VIT: variants seen among roughly 807,000 people sequenced by gnomAD.
VIT encodes the protein vitrin.
In VIT, 99 loss-of-function variants were observed where a neutral mutation model predicts 78.0. The observed-to-expected ratio is 1.27, with a 90% confidence interval of 1.08 to 1.50. The LOEUF (loss-of-function observed/expected upper bound fraction) is 1.50. Ranked by LOEUF, VIT falls within the 40% of genes most tolerant of loss-of-function variation. The probability of loss-of-function intolerance (pLI) is 0.00; values close to 1 mark genes in which losing one functional copy is unlikely to be tolerated. For synonymous variants in VIT, 374 were observed against 334.3 expected, an observed-to-expected ratio of 1.12 and a Z score of -1.29; for missense variants, 1,126 against 875.3, an observed-to-expected ratio of 1.29 and a Z score of -3.61.
chr2:36,721,891 T>C (rs1666537252), intron 2 of VIT, among the ~76,000 whole-genome samples: 1 of 152,228 alleles, frequency 6.6e-6, no homozygotes, highest in Non-Finnish European at 1.5e-5. Context: ...TCACCATAGC[T>C]GCAAGATATT....
chr2:36,801,774 T>TC (rs566362319), intron 13 of VIT, among the ~76,000 whole-genome samples: 1,381 of 125,146 alleles, frequency 0.011, 35 homozygotes, highest in South Asian at 0.047. Context: ...AGACTCCATC[T>TC]GAAAAAAAAA....
intron 1 of VIT, among the ~76,000 whole-genome samples, chr2:36,698,489 C>T (rs980504492): frequency 6.6e-6 from 1 of 152,204 alleles, no homozygotes; most frequent in African/African-American, 2.4e-5. Flanking sequence ...TCTGCCACTA[C>T]CTATTACCTT....
intron 15 of VIT, among the ~76,000 whole-genome samples, chr2:36,813,161 C>T (rs1340501865): frequency 6.8e-6 from 1 of 147,682 alleles, no homozygotes; most frequent in African/African-American, 2.5e-5. Flanking sequence ...TTTTAAAAAT[C>T]CAATGAGGCC....
chr2:36,814,137 C>G (rs373614713), intron 15 of VIT, 46 bp from the exon 16 acceptor site: 37 of 1,589,748 alleles, frequency 2.3e-5, no homozygotes, highest in Non-Finnish European at 1.5e-5. Flanking sequence ...TCTTTAGCAG[C>G]ACCTTTACTT....
At position 36,758,483 on chromosome 2, in the gene VIT, G is replaced by A. The variant is rs1260739086; in HGVS notation, c.410-486G>A. The stretch of plus-strand genomic sequence containing the variant: ...GTCTCCCCCTGGGTGAGCAACACAT[G>A]GTTATTTTCAAGGTTGACCTATATT... On this transcript the variant is annotated intron_variant, in intron 5 of 15. Transcript: ENST00000379242. 2.0e-5 allele frequency among the ~76,000 whole-genome samples: 3 copies of A among 152,258 alleles called. No homozygotes were observed. The South Asian group carries it at 6.2e-4, about 32-fold the overall frequency.
At chr2:36,697,015 C>T (rs1664720781) in intron 1 of VIT, 42 bp downstream of exon 1, 1 of 152,130 alleles carries the variant, frequency 6.6e-6, no homozygotes, top group Non-Finnish European at 1.5e-5. Flanking sequence ...TAGTTACTTT[C>T]CATTCATTAT....
intron 9 of VIT, among the ~76,000 whole-genome samples, chr2:36,775,577 C>T (rs1008698822): frequency 6.6e-6 from 1 of 152,214 alleles, no homozygotes; most frequent in African/African-American, 2.4e-5. Flanking sequence ...TACCATCCTC[C>T]AGTTCTATAG....
chr2:36,738,123 C>T (rs1558527881), intron 3 of VIT, among the ~76,000 whole-genome samples: 1 of 152,198 alleles, frequency 6.6e-6, no homozygotes, highest in Non-Finnish European at 1.5e-5. Flanking sequence ...CACATGCATA[C>T]ACACAACCTA....
chr2:36,771,757 T>C (rs551713440), intron 7 of VIT, among the ~76,000 whole-genome samples: 1 of 152,238 alleles, frequency 6.6e-6, no homozygotes, highest in East Asian at 1.9e-4. Flanking sequence ...TTCATAATTT[T>C]TTAAAGGAGA....
chr2:36,799,709 C>T (rs1666174275), intron 12 of VIT, among the ~76,000 whole-genome samples: 1 of 111,302 alleles, frequency 9.0e-6, no homozygotes, highest in Non-Finnish European at 1.8e-5. Context: ...AGAACGAAAC[C>T]CTGTCTCTGA....
intron 7 of VIT, among the ~76,000 whole-genome samples, chr2:36,770,423 T>G (rs972312381): frequency 1.3e-5 from 2 of 152,162 alleles, no homozygotes; most frequent in Non-Finnish European, 2.9e-5. Flanking sequence ...CAGGGGTTCT[T>G]CCAGCCCATG....
intron 7 of VIT, among the ~76,000 whole-genome samples, chr2:36,767,942 C>T (rs2148587459): frequency 6.6e-6 from 1 of 152,320 alleles, no homozygotes; most frequent in South Asian, 2.1e-4. Context: ...GCTGGAGTTC[C>T]ACTATTGTCT....
intron 4 of VIT, among the ~76,000 whole-genome samples, chr2:36,751,312 C>G (rs933324505): frequency 6.6e-6 from 1 of 152,196 alleles, no homozygotes; most frequent in African/African-American, 2.4e-5. Context: ...ACAAGAATCG[C>G]TTAAACCTGG....
intron 14 of VIT, 72 bp from the exon 15 acceptor site, chr2:36,808,400 G>T: frequency 6.6e-7 from 1 of 1,514,434 alleles, no homozygotes; most frequent in South Asian, 1.3e-5. Flanking sequence ...CTGCCCCGGG[G>T]GATCAAGCCT....
intron 2 of VIT, among the ~76,000 whole-genome samples, chr2:36,721,223 G>T (rs541262160): frequency 6.6e-6 from 1 of 152,078 alleles, no homozygotes; most frequent in Non-Finnish European, 1.5e-5. Flanking sequence ...ATTTCACAAC[G>T]TACACATATA....
In VIT at chr2:36,808,689, T is replaced by C; in HGVS notation, c.1607T>C (p.Leu536Pro). 1 of 1,614,186 alleles carries C rather than the reference T, an allele frequency of 6.2e-7. No individual in the cohort carries two copies. Among genetic ancestry groups the C allele is most frequent in the Non-Finnish European group, 8.5e-7 (1 of 1,180,020 alleles). The change falls in exon 15 of 16, where the codon CTC (leucine) becomes CCC (proline). Residue 536 changes from leucine to proline, a missense_variant. By Grantham distance (98) the Leu-to-Pro change is moderately conservative. Coordinates refer to ENST00000379242, the MANE Select transcript of VIT (RefSeq NM_053276.4). Reference protein sequence around the residue: ...FRTVLQFVTNLTKEFEISDTD... With the variant: ...FRTVLQFVTNPTKEFEISDTD... ...ACCGTCCTCCAGTTTGTGACCAACCTCACCAAAGAGTTTGAGATTTCCGAC... is the reference window on the plus strand; with the variant it reads ...ACCGTCCTCCAGTTTGTGACCAACCCCACCAAAGAGTTTGAGATTTCCGAC...
intron 6 of VIT, among the ~76,000 whole-genome samples, chr2:36,765,435 A>AAAGAGAG (rs1669370360): frequency 7.4e-6 from 1 of 135,278 alleles, no homozygotes; most frequent in African/African-American, 2.7e-5. Flanking sequence ...GAGAGAGAGA[A>AAAGAGAG]AGAGAGAGAG....
chr2:36,765,435 A>AGAGAGAGAGAG (rs1553372934), intron 6 of VIT, among the ~76,000 whole-genome samples: 4,380 of 135,326 alleles, frequency 0.032, 257 homozygotes, highest in Middle Eastern at 0.058. Flanking sequence ...GAGAGAGAGA[A>AGAGAGAGAGAG]AGAGAGAGAG....
Position 36,774,746 on chromosome 2 carries a change from C to T in VIT, c.737-256C>T, listed in dbSNP as rs11894436. 601 of 985,394 alleles carry T rather than the reference C, an allele frequency of 6.1e-4. 1 individual carries two copies. The African/African-American group carries it at 1.0e-2, about 16-fold the overall frequency. 61.0% of individuals were successfully genotyped at this position (985,394 alleles called of 1,614,324 possible). ...ATGAGAACACTGGCCAGGGCAAGGACTCCAAGGCCATCTTAGGCCTCTACA... is the reference window on the plus strand; with the variant it reads ...ATGAGAACACTGGCCAGGGCAAGGATTCCAAGGCCATCTTAGGCCTCTACA... On this transcript the variant is annotated intron_variant, in intron 8 of 15. Coordinates refer to ENST00000379242, the MANE Select transcript of VIT (RefSeq NM_053276.4).
Sources: gnomAD v4.1 joint callset for allele counts (sites outside exome capture counted in the v4.1 genomes callset) on GRCh38, gnomAD v4.1.1 for gene constraint, MANE v1.5 for transcripts, NCBI Gene and HGNC (gene_info 2026-07-23, HGNC 2026-07-21) for gene names.